The following TFPT variants were observed in gnomAD, a reference collection of about 807,000 sequenced individuals.
TFPT encodes the protein TCF3 fusion partner.
A neutral mutation model predicts 28.8 loss-of-function variants in TFPT; 27 were observed. That is an observed-to-expected ratio of 0.94 (90% CI 0.69 to 1.29). The LOEUF (loss-of-function observed/expected upper bound fraction) is 1.29, where lower values mean the gene tolerates loss of function less well. TFPT is among the 50% of genes most tolerant of loss of function. The probability of loss-of-function intolerance (pLI) is 0.00; values close to 1 mark genes in which losing one functional copy is unlikely to be tolerated. For synonymous variants in TFPT, 152 were observed against 142.8 expected (o/e 1.06, Z -0.46); for missense variants, 330 against 338.0 (o/e 0.98, Z 0.19).
chr19:54,107,939 C>A, intron 5 of TFPT, 87 bp downstream of exon 5: 1 of 1,388,978 alleles, frequency 7.2e-7, no homozygotes, highest in Non-Finnish European at 9.7e-7. Context: ...CCAGCCCTGG[C>A]CCCTCCCCTT....
chr19:54,115,112 A>G, intron 1 of TFPT, 135 bp downstream of exon 1: 1 of 1,355,760 alleles, frequency 7.4e-7, no homozygotes, highest in South Asian at 1.2e-5. Flanking sequence ...AGTCCATAAA[A>G]GGGTTCTAAG....
At chr19:54,111,684 GAAAAAAAA>G (rs56412241) in intron 2 of TFPT, among the ~76,000 whole-genome samples, 1 of 119,476 alleles carries the variant, frequency 8.4e-6, no homozygotes, top group Non-Finnish European at 1.7e-5. Flanking sequence ...TGTCTCAAAA[GAAAAAAAA>G]AAAAAAAAAG....
chr19:54,107,490 C>T (rs2073304981), intron 5 of TFPT: 3 of 349,182 alleles, frequency 8.6e-6, no homozygotes, highest in Non-Finnish European at 1.6e-5. Context: ...CTCAAGTGAT[C>T]CTCCCACCTA....
Position 54,111,722 on chromosome 19 carries a change from C to T in TFPT, c.283-1601G>A, listed in dbSNP as rs193142333. Among the ~76,000 whole-genome samples, 737 of 149,848 alleles carry T rather than the reference C, an allele frequency of 4.9e-3. 4 individuals are homozygous for T. Among genetic ancestry groups the T allele is most frequent in the Non-Finnish European group, 5.9e-3 (399 of 67,670 alleles). ...AAAAAGTGCCAGGCACGGTGGCTCA[C>T]GCTTGTAATCCCAGCACTTTCAGAG... On this transcript the variant is annotated intron_variant, in intron 2 of 5. Transcript: ENST00000391759.
chr19:54,113,958 T>C (rs1371538487), intron 2 of TFPT, among the ~76,000 whole-genome samples: 1 of 152,174 alleles, frequency 6.6e-6, no homozygotes, highest in Non-Finnish European at 1.5e-5. Flanking sequence ...CTCCCAGTGC[T>C]AGGATTACAA....
At chr19:54,112,882 C>T (rs1407625945) in intron 2 of TFPT, among the ~76,000 whole-genome samples, 1 of 152,004 alleles carries the variant, frequency 6.6e-6, no homozygotes, top group African/African-American at 2.4e-5. Flanking sequence ...CACCTGAGGT[C>T]AGGAGTTTGA....
chr19:54,113,214 A>G (rs753339208), intron 2 of TFPT, among the ~76,000 whole-genome samples: 2 of 152,038 alleles, frequency 1.3e-5, no homozygotes, highest in Non-Finnish European at 2.9e-5. Context: ...TACAAAAGTA[A>G]TCAAGTTCAA....
rs766048143 is a variant in TFPT at position 54,108,308 on chromosome 19, T to A, written c.423+18A>T. ...CTGAGCTCCCAGTTCCTGACCCTCCTGGAGGCCCAACACTCACCTCCAGCA... is the reference window on the plus strand; with the variant it reads ...CTGAGCTCCCAGTTCCTGACCCTCCAGGAGGCCCAACACTCACCTCCAGCA... On this transcript the variant is annotated intron_variant, in intron 4 of 5. Coordinates refer to ENST00000391759, the MANE Select transcript of TFPT (RefSeq NM_013342.4). 6.3e-7 allele frequency: 1 copy of A among 1,591,110 alleles called. No homozygotes were observed. The highest frequency in any genetic ancestry group is 8.6e-7 in the Non-Finnish European group (1 of 1,167,996).
chr19:54,108,809 C>T (rs377016258), intron 3 of TFPT: 2 of 536,120 alleles, frequency 3.7e-6, no homozygotes, highest in Non-Finnish European at 6.5e-6. Context: ...ATAAACACCC[C>T]CTTCTCTTTT....
chr19:54,110,046 G>A lies in TFPT; in HGVS notation c.353+5C>T, dbSNP rs775171425. 2.0e-5 allele frequency: 33 copies of A among 1,613,938 alleles called. No individual in the cohort carries two copies. The highest frequency in any genetic ancestry group is 2.6e-5 in the Non-Finnish European group (31 of 1,179,866). On this transcript the variant is annotated splice_donor_5th_base_variant and intron_variant, in intron 3 of 5. Coordinates refer to ENST00000391759, the MANE Select transcript of TFPT (RefSeq NM_013342.4). Reference sequence around the variant, plus strand: ...CAGGCCCAGAGGGGACAGAGAAGGGGTTACCTCCGTTCCTGCTGCAGCCTC... The same window carrying A: ...CAGGCCCAGAGGGGACAGAGAAGGGATTACCTCCGTTCCTGCTGCAGCCTC...
At chr19:54,114,390 G>T in intron 2 of TFPT, 52 bp downstream of exon 2, 5 of 1,568,674 alleles carry the variant, frequency 3.2e-6, no homozygotes, top group Admixed American at 3.6e-5. Context: ...ATTGCGGGGG[G>T]CGGTAGTTTA....
Position 54,112,193 on chromosome 19 carries a change from G to A in TFPT, c.283-2072C>T, listed in dbSNP as rs62143394. ...TGCTAGAGTCCAGGATGTTGGGGCT[G>A]CAGTGAGCCACAGTCATGCCACTGC... On this transcript the variant is annotated intron_variant, in intron 2 of 5. Transcript: ENST00000391759. 7.7e-3 allele frequency among the ~76,000 whole-genome samples: 1,167 copies of A among 151,172 alleles called. 10 individuals carry two copies. The highest frequency in any genetic ancestry group is 0.013 in the Non-Finnish European group (907 of 67,900).
At chr19:54,115,046 G>C in intron 1 of TFPT, 1 of 799,554 alleles carries the variant, frequency 1.3e-6, no homozygotes, top group Non-Finnish European at 2.0e-6. Context: ...CAACCTCCTA[G>C]TCTGTCAGAT....
chr19:54,114,719 C>T lies in TFPT; in HGVS notation c.24-19G>A, dbSNP rs376521902. 3.4e-5 allele frequency: 55 copies of T among 1,603,748 alleles called. No individual in the cohort carries two copies. The highest frequency in any genetic ancestry group is 4.6e-5 in the Non-Finnish European group (54 of 1,176,346). Reference sequence around the variant, plus strand: ...CATGGTCCTGAGAGGCAGGGAAAGGCTCAGGGGCCCTGGATCCTGGACCCC... The same window carrying T: ...CATGGTCCTGAGAGGCAGGGAAAGGTTCAGGGGCCCTGGATCCTGGACCCC... On this transcript the variant is annotated intron_variant, in intron 1 of 5. Coordinates refer to ENST00000391759, the MANE Select transcript of TFPT (RefSeq NM_013342.4).
chr19:54,108,216 G>T lies in TFPT; in HGVS notation c.452C>A (p.Pro151His). Residue 151 changes from proline (P) to histidine (H), a missense_variant, in exon 5 of 6, where the codon CCC (proline) becomes CAC (histidine). Transcript: ENST00000391759. The stretch of plus-strand genomic sequence containing the variant: ...CTCATTCTCCGCATTGCCTGGGGTG[G>T]GGGCATCCGTGCCCTGGCTGCCCTC... ...EDEGSQGTDA[P>H]TPGNAENEPP... The T allele has an allele frequency of 6.3e-7, 1 of 1,596,474 alleles. No homozygotes were observed.
Position 54,115,181 on chromosome 19 carries a change from T to C in TFPT, c.23+66A>G, listed in dbSNP as rs902340242. 9.9e-6 allele frequency: 16 copies of C among 1,609,212 alleles called. No homozygotes were observed. In the African/African-American group the frequency reaches 1.7e-4, roughly 17 times the overall value. On this transcript the variant is annotated intron_variant, in intron 1 of 5. Transcript: ENST00000391759. The stretch of plus-strand genomic sequence containing the variant: ...GACCTCAGCGTAAAAGCTCATATGG[T>C]TGCACACAATGCAGCTGCACTGTTT...
chr19:54,114,649 C>A lies in TFPT; in HGVS notation c.75G>T (p.Glu25Asp), dbSNP rs762884888. The part of the protein sequence containing the change: ...FEEFSAPPGS[E>D]LALPPLFGGH... ...CACCAAATAGGGGAGGCAACGCCAA[C>A]TCTGAGCCTGGCGGCGCTGAGAACT... Residue 25 changes from glutamate to aspartate, a missense_variant, in exon 2 of 6, where the codon GAG (glutamate) becomes GAT (aspartate). Transcript: ENST00000391759. 5 of 1,614,050 alleles carry A rather than the reference C, an allele frequency of 3.1e-6. No individual in the cohort carries two copies. Among genetic ancestry groups the A allele is most frequent in the Non-Finnish European group, 4.2e-6 (5 of 1,180,028 alleles).
intron 2 of TFPT, among the ~76,000 whole-genome samples, chr19:54,111,922 G>A (rs112973557): frequency 0.053 from 8,034 of 152,076 alleles, 307 homozygotes; most frequent in Middle Eastern, 0.085. Flanking sequence ...GGAGGTTGCA[G>A]TGAGCTGAGA....
At chr19:54,107,981 G>A in intron 5 of TFPT, 45 bp downstream of exon 5, 1 of 1,500,720 alleles carries the variant, frequency 6.7e-7, no homozygotes, top group Non-Finnish European at 8.9e-7. Context: ...ACTGGCGCCG[G>A]CTCTGGAGCC....
Sources: gnomAD v4.1 joint callset for allele counts (sites outside exome capture counted in the v4.1 genomes callset) on GRCh38, gnomAD v4.1.1 for gene constraint, MANE v1.5 for transcripts, NCBI Gene and HGNC (gene_info 2026-07-23, HGNC 2026-07-21) for gene names.